Variants in C10orf53 observed in about 807,000 individuals in gnomAD.
The protein encoded by C10orf53 is UPF0728 protein C10orf53.
In C10orf53, 8 loss-of-function variants were observed where a neutral mutation model predicts 9.4. That is an observed-to-expected ratio of 0.85 (90% confidence interval 0.50 to 1.53). The LOEUF (loss-of-function observed/expected upper bound fraction) is 1.53, where lower values mean the gene tolerates loss of function less well. Among genes scored for constraint, C10orf53 ranks in the 40% most tolerant of loss-of-function variants. The probability of loss-of-function intolerance (pLI) is 0.00; values close to 1 mark genes in which losing one functional copy is unlikely to be tolerated. For missense variants in C10orf53, 117 were observed against 117.8 expected, an observed-to-expected ratio of 0.99 and a Z score of 0.03; for synonymous variants, 48 against 46.0, an observed-to-expected ratio of 1.04 and a Z score of -0.18.
At chr10:49,705,258 A>G (rs577261298) in intron 2 of C10orf53, among the ~76,000 whole-genome samples, 1 of 152,352 alleles carries the variant, frequency 6.6e-6, no homozygotes, top group East Asian at 1.9e-4. Context: ...AGAAACAGGA[A>G]GAAGCTACCT....
intron 2 of C10orf53, among the ~76,000 whole-genome samples, chr10:49,705,717 G>A (rs1231853118): frequency 6.6e-6 from 1 of 151,676 alleles, no homozygotes; most frequent in African/African-American, 2.4e-5. Flanking sequence ...CCTTGTATTT[G>A]GCAAATGTTT....
At chr10:49,700,901 T>G (rs920856343), downstream of C10orf53, among the ~76,000 whole-genome samples, 18 of 152,170 alleles carry the variant, frequency 1.2e-4, no homozygotes, top group African/African-American at 4.1e-4. Flanking sequence ...TGATGCAGGC[T>G]GGTCCTTTGA....
At chr10:49,703,463 T>C (rs1840699568) in intron 2 of C10orf53, among the ~76,000 whole-genome samples, 1 of 152,132 alleles carries the variant, frequency 6.6e-6, no homozygotes, top group Non-Finnish European at 1.5e-5. Flanking sequence ...GACCGAAAAT[T>C]GGAGCTGTTT....
intron 1 of C10orf53, among the ~76,000 whole-genome samples, chr10:49,684,828 T>G (rs1382427428): frequency 6.6e-6 from 1 of 152,200 alleles, no homozygotes; most frequent in Non-Finnish European, 1.5e-5. Flanking sequence ...CCTTTCCAAT[T>G]TAGATGACTT....
At chr10:49,708,463 A>C in exon 3 of C10orf53, 1 of 1,614,158 alleles carries the variant, frequency 6.2e-7, no homozygotes, top group Non-Finnish European at 8.5e-7. Flanking sequence ...CCTTTGCAAC[A>C]GTTCCCACAA....
At chr10:49,698,040 C>T (rs12252034), downstream of C10orf53, among the ~76,000 whole-genome samples, 11,067 of 152,212 alleles carry the variant, frequency 0.073, 1,318 homozygotes, top group African/African-American at 0.25. Context: ...CCTGTAATCC[C>T]AGTGTTTTGG....
chr10:49,702,333 GTATTT>G (rs1410929808), downstream of C10orf53, among the ~76,000 whole-genome samples: 1 of 152,070 alleles, frequency 6.6e-6, no homozygotes, highest in Non-Finnish European at 1.5e-5. Flanking sequence ...GGGTGCCTAG[GTATTT>G]GATCAAACAT....
At chr10:49,700,176 G>A (rs1465075441), downstream of C10orf53, among the ~76,000 whole-genome samples, 1 of 152,204 alleles carries the variant, frequency 6.6e-6, no homozygotes, top group Non-Finnish European at 1.5e-5. Context: ...GAATCCATTG[G>A]CATGGCAGTC....
chr10:49,699,190 C>CTTTTTTTT (rs67695235), downstream of C10orf53, among the ~76,000 whole-genome samples: 538 of 64,890 alleles, frequency 8.3e-3, 111 homozygotes, highest in East Asian at 0.026. Flanking sequence ...GTGGCTCAAT[C>CTTTTTTTT]TTTTTTTTTT....
At chr10:49,707,057 C>T (rs1199638297) in intron 2 of C10orf53, among the ~76,000 whole-genome samples, 1 of 138,798 alleles carries the variant, frequency 7.2e-6, no homozygotes, top group South Asian at 2.4e-4. Context: ...TGTTAGCATA[C>T]AACAAAAATT....
intron 1 of C10orf53, 37 bp from the exon 2 acceptor site, chr10:49,693,737 A>G (rs556572244): frequency 6.2e-7 from 1 of 1,603,762 alleles, no homozygotes; most frequent in African/African-American, 1.3e-5. Context: ...TTGAAGTCTG[A>G]CCCCATGTCA....
intron 1 of C10orf53, among the ~76,000 whole-genome samples, chr10:49,684,358 A>G (rs550417240): frequency 3.9e-5 from 6 of 152,220 alleles, no homozygotes; most frequent in Admixed American, 1.3e-4. Context: ...GCAGTTCCCT[A>G]TGAATTTTAA....
At chr10:49,708,340 C>T (rs778457393) in intron 2 of C10orf53, 7 of 1,610,914 alleles carry the variant, frequency 4.3e-6, no homozygotes, top group Non-Finnish European at 5.9e-6. Flanking sequence ...CTGCTTTCTT[C>T]TCTGTTGTCT....
downstream of C10orf53, among the ~76,000 whole-genome samples, chr10:49,697,930 G>A (rs1420245615): frequency 6.6e-6 from 1 of 152,062 alleles, no homozygotes; most frequent in African/African-American, 2.4e-5. Context: ...ATTTTCAAGG[G>A]GCCTTCCTGG....
chr10:49,694,291 C>A, intron 2 of C10orf53: 1 of 599,848 alleles, frequency 1.7e-6, no homozygotes, highest in Non-Finnish European at 2.9e-6. Context: ...GATATGCCAG[C>A]AGTGCATGAC....
chr10:49,690,085 C>T (rs530009281), intron 1 of C10orf53, among the ~76,000 whole-genome samples: 12 of 152,066 alleles, frequency 7.9e-5, no homozygotes, highest in African/African-American at 2.7e-4. Flanking sequence ...AGGAGGTGAG[C>T]GGGTGGAAAC....
chr10:49,682,489 A>G (rs185380338), intron 1 of C10orf53, among the ~76,000 whole-genome samples: 4 of 152,334 alleles, frequency 2.6e-5, no homozygotes, highest in African/African-American at 9.6e-5. Flanking sequence ...AGCAGCAGCA[A>G]GATTTATTAT....
At chr10:49,700,587 G>A (rs1840674835), downstream of C10orf53, among the ~76,000 whole-genome samples, 1 of 152,132 alleles carries the variant, frequency 6.6e-6, no homozygotes, top group Non-Finnish European at 1.5e-5. Context: ...GTAAACCATG[G>A]GCATGTCCAC....
chr10:49,705,042 A>C (rs905550643), intron 2 of C10orf53, among the ~76,000 whole-genome samples: 4 of 152,236 alleles, frequency 2.6e-5, no homozygotes, highest in African/African-American at 9.6e-5. Flanking sequence ...GGCCTGGTTA[A>C]ATAAAACCTG....
Sources: gnomAD v4.1 joint callset for allele counts (sites outside exome capture counted in the v4.1 genomes callset) on GRCh38, gnomAD v4.1.1 for gene constraint, MANE v1.5 for transcripts, NCBI Gene and HGNC (gene_info 2026-07-23, HGNC 2026-07-21) for gene names.